RBBP8: variants seen among roughly 807,000 people sequenced by gnomAD.
RBBP8 encodes the protein DNA endonuclease RBBP8.
In RBBP8, 88 loss-of-function variants were observed where a neutral mutation model predicts 108.3. That is an observed-to-expected ratio of 0.81 (90% CI 0.68 to 0.97). The LOEUF (loss-of-function observed/expected upper bound fraction) is 0.97. Among genes scored for constraint, RBBP8 ranks in the 50% least tolerant of loss-of-function variants. RBBP8 has a pLI of 0.00. For missense variants in RBBP8, 1,023 were observed against 1,049.0 expected (o/e 0.98, Z 0.34); for synonymous variants, 332 against 348.2 (o/e 0.95, Z 0.52).
At chr18:23,000,599 G>A (rs1228650320) in intron 14 of RBBP8, among the ~76,000 whole-genome samples, 5 of 151,874 alleles carry the variant, frequency 3.3e-5, no homozygotes, top group African/African-American at 4.8e-5. Context: ...AACATTAGCC[G>A]GGTATGGTGG....
rs756248021 is a variant in RBBP8, at chr18:22,992,871, T to C, written c.1044T>C (p.Pro348=). The C allele has an allele frequency of 6.2e-7, 1 of 1,613,868 alleles. No individual in the cohort carries two copies. The highest frequency in any genetic ancestry group is 2.2e-5 in the East Asian group (1 of 44,858). The part of the protein sequence containing the change: ...SGLDLNTSLS[P]SLLQPGKKKH... The stretch of plus-strand genomic sequence containing the variant: ...TAGATTTGAATACAAGTTTGTCCCC[T>C]TCTCTTTTACAGCCTGGGAAAAAAA... Residue 348 remains proline (P), a synonymous_variant, in exon 11 of 19, where the codon CCT becomes CCC. Transcript: ENST00000327155.
rs1441219550 is a variant in RBBP8, at chr18:22,993,594, T to A, written c.1767T>A (p.Arg589=). ...ATGCTGTCTTTAAAATTCCTCTACG[T>A]CCACGTGAAAGTTTGGAGACTGAGA... is the stretch of plus-strand genomic sequence containing the variant. ...EENAVFKIPL[R]PRESLETENV... The change falls in exon 11 of 19, where the codon CGT becomes CGA. Residue 589 remains arginine, a synonymous_variant. Transcript: ENST00000327155. 6.2e-6 allele frequency: 10 copies of A among 1,614,088 alleles called. No homozygotes were observed. Among genetic ancestry groups the A allele is most frequent in the Admixed American group, 3.3e-5 (2 of 60,004 alleles).
At chr18:22,971,350 A>G (rs1914065840) in intron 5 of RBBP8, among the ~76,000 whole-genome samples, 1 of 151,030 alleles carries the variant, frequency 6.6e-6, no homozygotes, top group African/African-American at 2.4e-5. Flanking sequence ...CTTTTCTTTC[A>G]ATTATTTTTA....
intron 5 of RBBP8, among the ~76,000 whole-genome samples, chr18:22,973,561 G>C (rs1269581400): frequency 6.6e-6 from 1 of 152,104 alleles, no homozygotes; most frequent in Non-Finnish European, 1.5e-5. Flanking sequence ...ATGACCACCT[G>C]ACTTTTTGTC....
chr18:22,973,632 A>G (rs976522034), intron 5 of RBBP8, among the ~76,000 whole-genome samples: 2 of 152,210 alleles, frequency 1.3e-5, no homozygotes, highest in African/African-American at 4.8e-5. Context: ...CAGTCTTCCC[A>G]TCATTCATCT....
At chr18:23,017,097 C>G (rs533201844) in intron 17 of RBBP8, among the ~76,000 whole-genome samples, 173 bp downstream of exon 17, 1 of 152,122 alleles carries the variant, frequency 6.6e-6, no homozygotes, top group Admixed American at 6.6e-5. Flanking sequence ...GCTCATGCCT[C>G]TAATCTCAGC....
chr18:23,000,505 G>A (rs1884763671), intron 14 of RBBP8, among the ~76,000 whole-genome samples: 1 of 152,100 alleles, frequency 6.6e-6, no homozygotes, highest in Non-Finnish European at 1.5e-5. Context: ...ATTTTGGGAG[G>A]CCTAGGTGGG....
intron 14 of RBBP8, among the ~76,000 whole-genome samples, chr18:22,999,355 T>C (rs2045909897): frequency 6.6e-6 from 1 of 152,186 alleles, no homozygotes; most frequent in South Asian, 2.1e-4. Flanking sequence ...AGCAGAGGGC[T>C]GGGCAGCTGG....
chr18:22,971,822 T>C (rs1009914710), intron 5 of RBBP8, among the ~76,000 whole-genome samples: 2 of 151,492 alleles, frequency 1.3e-5, no homozygotes, highest in South Asian at 2.1e-4. Context: ...ATTTTTTGTA[T>C]TTTTAGTAGA....
At chr18:22,952,204 G>A (rs1018477606) in intron 4 of RBBP8, among the ~76,000 whole-genome samples, 2 of 152,110 alleles carry the variant, frequency 1.3e-5, no homozygotes, top group African/African-American at 4.8e-5. Flanking sequence ...TTAAGCAGGA[G>A]AATAACAAAG....
At chr18:23,021,152 G>A (rs954791069) in intron 17 of RBBP8, among the ~76,000 whole-genome samples, 3 of 152,208 alleles carry the variant, frequency 2.0e-5, no homozygotes, top group African/African-American at 7.2e-5. Flanking sequence ...GCTCACACCT[G>A]TAATCCCAGC....
intron 6 of RBBP8, among the ~76,000 whole-genome samples, chr18:22,981,701 C>T (rs1008385471): frequency 6.6e-6 from 1 of 152,172 alleles, no homozygotes; most frequent in Non-Finnish European, 1.5e-5. Context: ...TAGTTCAGAC[C>T]GCAGACAGAG....
intron 15 of RBBP8, among the ~76,000 whole-genome samples, chr18:23,004,390 T>C (rs1255473531): frequency 1.3e-5 from 2 of 152,168 alleles, no homozygotes; most frequent in East Asian, 1.9e-4. Context: ...GAGAACATCA[T>C]ATTAAGTGAA....
rs375263951 is a variant in RBBP8, at chr18:22,949,862, G to T, written c.248+149G>T. The T allele has an allele frequency of 4.0e-4, 246 of 616,102 alleles. No homozygotes were observed. The African/African-American group carries it at 4.1e-3, about 10-fold the overall frequency. The allele number at this position is 616,102 out of a possible 1,614,324, so 38.2% of individuals were successfully genotyped here. ...TGAATGAATACTTTATGAAAACAAG[G>T]ATCTATTCTTTAAGATTTTCATTAA... On this transcript the variant is annotated intron_variant, in intron 4 of 18. Coordinates refer to ENST00000327155, the MANE Select transcript of RBBP8 (RefSeq NM_002894.3).
At chr18:22,918,734 A>G (rs1333707237) in intron 3 of RBBP8, among the ~76,000 whole-genome samples, 1 of 152,028 alleles carries the variant, frequency 6.6e-6, no homozygotes, top group Non-Finnish European at 1.5e-5. Context: ...TTAGCCTCCC[A>G]TGTAGCTGGG....
intron 18 of RBBP8, among the ~76,000 whole-genome samples, chr18:23,025,863 A>G (rs2046442855): frequency 1.3e-5 from 2 of 152,332 alleles, no homozygotes; most frequent in East Asian, 1.9e-4. Context: ...TTGGGTCTCT[A>G]TTACCTCATC....
At chr18:22,934,212 G>C (rs1472590593) in intron 1 of RBBP8, 1 of 152,292 alleles carries the variant, frequency 6.6e-6, no homozygotes, top group East Asian at 1.9e-4. Flanking sequence ...GTCGTGCCTC[G>C]AATAACGGTT....
chr18:23,008,769 A>ATTTTTTTTTTT (rs71161355), intron 16 of RBBP8, among the ~76,000 whole-genome samples: 1 of 100,026 alleles, frequency 1.0e-5, no homozygotes, highest in Non-Finnish European at 1.9e-5. Flanking sequence ...TATGACTTTG[A>ATTTTTTTTTTT]TTTTTTTTTT....
Position 22,950,973 on chromosome 18 carries a change from A to G in RBBP8, c.248+1260A>G, listed in dbSNP as rs542938828. 1.1e-4 allele frequency among the ~76,000 whole-genome samples: 16 copies of G among 152,318 alleles called. No homozygotes were observed. In the South Asian group the frequency reaches 2.3e-3, roughly 22 times the overall value. ...GGCTGGGTGATTTGAGTTTGTCTCT[A>G]TCCTTTTAGTGGTGAAATAATTTAA... is the stretch of plus-strand genomic sequence containing the variant. On this transcript the variant is annotated intron_variant, in intron 4 of 18. Coordinates refer to ENST00000327155, the MANE Select transcript of RBBP8 (RefSeq NM_002894.3).
Sources: gnomAD v4.1 joint callset for allele counts (sites outside exome capture counted in the v4.1 genomes callset) on GRCh38, gnomAD v4.1.1 for gene constraint, MANE v1.5 for transcripts, NCBI Gene and HGNC (gene_info 2026-07-23, HGNC 2026-07-21) for gene names.